The following CELF3 variants were observed in gnomAD, a reference collection of about 807,000 sequenced individuals.
The protein encoded by CELF3 is CAG repeat domain.
A neutral mutation model predicts 59.6 loss-of-function variants in CELF3; 26 were observed. The ratio of observed to expected loss-of-function variants is 0.44; its 90% CI spans 0.32 to 0.61. The LOEUF is 0.61. CELF3 is among the 20% of genes least tolerant of loss of function. CELF3 has a pLI of 0.06. For synonymous variants in CELF3, 245 were observed against 250.7 expected (o/e 0.98, Z 0.22); for missense variants, 387 against 627.2 (o/e 0.62, Z 4.09).
At chr1:151,715,556 C>T (rs868502145) in intron 1 of CELF3, 1 of 1,277,030 alleles carries the variant, frequency 7.8e-7, no homozygotes, top group Non-Finnish European at 1.0e-6. Flanking sequence ...AGCTGCTTAT[C>T]TCCCAAACCA....
At chr1:151,710,556 G>A (rs1482669991) in intron 2 of CELF3, 1 of 419,062 alleles carries the variant, frequency 2.4e-6, no homozygotes, top group Non-Finnish European at 4.9e-6. Flanking sequence ...AAACCTTCCT[G>A]ATTCTGGAGG....
At chr1:151,706,093 G>A (rs1258865584) in intron 10 of CELF3, 128 bp from the exon 11 acceptor site, 3 of 1,591,210 alleles carry the variant, frequency 1.9e-6, no homozygotes, top group African/African-American at 1.3e-5. Context: ...TGTGGGCCAA[G>A]TCTCCGGCCA....
intron 2 of CELF3, among the ~76,000 whole-genome samples, chr1:151,711,631 G>A (rs1279253016): frequency 1.3e-5 from 2 of 152,360 alleles, no homozygotes; most frequent in East Asian, 1.9e-4. Context: ...TGTCGTGGGG[G>A]CAGATGCTCA....
At position 151,716,189 on chromosome 1, in the gene CELF3, G is replaced by A. The variant is rs1051184564; in HGVS notation, c.-169C>T. The A allele has an allele frequency of 1.7e-5, 11 of 635,788 alleles. No individual in the cohort carries two copies. The highest frequency in any genetic ancestry group is 2.6e-5 in the Non-Finnish European group (10 of 378,616). 39.4% of individuals were successfully genotyped at this position (635,788 alleles called of 1,614,324 possible). On this transcript the variant is annotated 5_prime_UTR_variant, in exon 1 of 13. Transcript: ENST00000290583. ...CAGAGGGGCGGCTCTTCACACAAAG[G>A]AGGCCCAGGGAGTTGAGTGCTAGGG... is the stretch of plus-strand genomic sequence containing the variant.
chr1:151,706,299 C>A lies in CELF3; in HGVS notation c.1051G>T (p.Ala351Ser). Residue 351 changes from alanine (A) to serine (S), a missense_variant, in exon 10 of 13, where the codon GCC (alanine) becomes TCC (serine). Ala to Ser is a moderately conservative substitution (Grantham distance 99). Coordinates refer to ENST00000290583, the MANE Select transcript of CELF3 (RefSeq NM_007185.7). ...TGAGGTGGTGGTGGGGGCTGCTGGG[C>A]GACCAGGGCTGGAGGCTGCGGGAAC... is the stretch of plus-strand genomic sequence containing the variant. ...PAFPQPPALV[A>S]QQPPPPPQQQ... is the part of the protein sequence containing the mutation. 1 of 1,563,458 alleles carries A rather than the reference C, an allele frequency of 6.4e-7. No individual in the cohort carries two copies. Among genetic ancestry groups the A allele is most frequent in the Non-Finnish European group, 8.7e-7 (1 of 1,154,388 alleles).
chr1:151,715,763 C>T, intron 1 of CELF3, 113 bp downstream of exon 1: 2 of 1,597,204 alleles, frequency 1.3e-6, no homozygotes, highest in South Asian at 2.2e-5. Context: ...CAGGCCTGAA[C>T]TCTTCTCCTT....
intron 2 of CELF3, chr1:151,714,288 C>A: frequency 1.7e-6 from 1 of 577,428 alleles, no homozygotes; most frequent in Non-Finnish European, 3.1e-6. Flanking sequence ...AGACTTTTCC[C>A]CACACCTTCC....
chr1:151,707,679 G>T, intron 6 of CELF3, 31 bp from the exon 7 acceptor site: 2 of 1,598,082 alleles, frequency 1.3e-6, no homozygotes. Flanking sequence ...AGTGGGGCAG[G>T]CCCCCTGTGC....
At chr1:151,706,028 A>C in intron 10 of CELF3, 63 bp from the exon 11 acceptor site, 1 of 1,604,152 alleles carries the variant, frequency 6.2e-7, no homozygotes, top group Non-Finnish European at 8.5e-7. Context: ...CCCAGAAGCA[A>C]ATGTCCCAGG....
intron 2 of CELF3, among the ~76,000 whole-genome samples, chr1:151,713,285 C>A (rs532949616): frequency 6.6e-6 from 1 of 152,346 alleles, no homozygotes; most frequent in Admixed American, 6.5e-5. Flanking sequence ...TGCCTCTCCA[C>A]ACCCAGGATG....
At chr1:151,715,784 C>T in intron 1 of CELF3, 92 bp downstream of exon 1, 1 of 1,594,322 alleles carries the variant, frequency 6.3e-7, no homozygotes, top group African/African-American at 1.3e-5. Flanking sequence ...CCACATCAGC[C>T]CTTCCCAGCC....
Position 151,707,412 on chromosome 1 carries a change from C to T in CELF3, c.772+95G>A, listed in dbSNP as rs1202929179. 26 of 1,553,192 alleles carry T rather than the reference C, an allele frequency of 1.7e-5. No homozygotes were observed. The East Asian group carries it at 4.4e-4, about 26-fold the overall frequency. On this transcript the variant is annotated intron_variant, in intron 7 of 12. Coordinates refer to ENST00000290583, the MANE Select transcript of CELF3 (RefSeq NM_007185.7). Reference sequence around the variant, plus strand: ...AGCAGGCCTCTCTGACCCCTGAGTCCCTCCCAGACCCCGAGGCTTCCCTGA... The same window carrying T: ...AGCAGGCCTCTCTGACCCCTGAGTCTCTCCCAGACCCCGAGGCTTCCCTGA...
chr1:151,710,838 C>T (rs1672964376), intron 2 of CELF3: 1 of 456,424 alleles, frequency 2.2e-6, no homozygotes, highest in East Asian at 6.9e-5. Flanking sequence ...GAAATTACTC[C>T]TGCAGGTTGA....
In CELF3 at chr1:151,705,788, G is replaced by A. The variant is rs781393952; in HGVS notation, c.1270+34C>T. The A allele has an allele frequency of 3.7e-6, 6 of 1,609,766 alleles. No homozygotes were observed. The South Asian group carries it at 5.5e-5, about 15-fold the overall frequency. ...ATATTAGACCTTGTCCTGATTTGGA[G>A]TATGGCAAAAAATGTGCCATATCAT... On this transcript the variant is annotated intron_variant, in intron 11 of 12. Coordinates refer to ENST00000290583, the MANE Select transcript of CELF3 (RefSeq NM_007185.7). This position sits in a 1 kb window ranked among gnomAD's most constrained non-coding sequence, Gnocchi z 5.1.
chr1:151,714,874 T>C (rs940594675), intron 1 of CELF3, among the ~76,000 whole-genome samples, 198 bp from the exon 2 acceptor site: 8 of 152,126 alleles, frequency 5.3e-5, no homozygotes, highest in African/African-American at 1.9e-4. Flanking sequence ...GCCTAAATAC[T>C]GGTGGTGATG....
intron 1 of CELF3, chr1:151,715,650 GTCTTGACAAC>G (rs1558113101): frequency 6.6e-7 from 1 of 1,504,640 alleles, no homozygotes; most frequent in South Asian, 1.2e-5. Context: ...CTTTGCAGCC[GTCTTGACAAC>G]TCTTCAGCCA....
At chr1:151,710,115 C>T in intron 2 of CELF3, 1 of 354,448 alleles carries the variant, frequency 2.8e-6, no homozygotes, top group Non-Finnish European at 5.3e-6. Context: ...TGAGAGAGAG[C>T]CCGACCAAGG....
At position 151,705,786 on chromosome 1, in the gene CELF3, G is replaced by T; in HGVS notation, c.1270+36C>A. The T allele has an allele frequency of 6.2e-7, 1 of 1,609,100 alleles. No homozygotes were observed. The highest frequency in any genetic ancestry group is 1.1e-5 in the South Asian group (1 of 90,546). On this transcript the variant is annotated intron_variant, in intron 11 of 12. Transcript: ENST00000290583. The surrounding 1 kb of genome is among the most constrained non-coding windows in gnomAD (Gnocchi z 5.1). ...ATATATTAGACCTTGTCCTGATTTG[G>T]AGTATGGCAAAAAATGTGCCATATC... is the stretch of plus-strand genomic sequence containing the variant.
At chr1:151,703,775 CGAGA>C (rs111435111) in intron 12 of CELF3, among the ~76,000 whole-genome samples, 3,473 of 151,880 alleles carry the variant, frequency 0.023, 120 homozygotes, top group African/African-American at 0.078. Flanking sequence ...GCAGAGAAAT[CGAGA>C]GAGAGACAGA....
Sources: allele counts gnomAD v4.1 joint callset (sites outside exome capture counted in the v4.1 genomes callset), GRCh38; gene constraint gnomAD v4.1.1; non-coding constraint Gnocchi (gnomAD v3.1); transcripts MANE v1.5; gene names NCBI Gene and HGNC (gene_info 2026-07-23, HGNC 2026-07-21).